PPP1R9A: variants seen among roughly 807,000 people sequenced by gnomAD.
The protein encoded by PPP1R9A is neurabin-1.
In PPP1R9A, 59 loss-of-function variants were observed where a neutral mutation model predicts 141.9. The observed-to-expected ratio is 0.42, with a 90% confidence interval of 0.34 to 0.52. The LOEUF (loss-of-function observed/expected upper bound fraction) is 0.52, where lower values mean the gene tolerates loss of function less well. PPP1R9A is among the 20% of genes least tolerant of loss of function. The pLI is 0.10. For synonymous variants in PPP1R9A, 500 were observed against 569.7 expected, an observed-to-expected ratio of 0.88 and a Z score of 1.74; for missense variants, 1,444 against 1,611.9, an observed-to-expected ratio of 0.90 and a Z score of 1.78.
intron 2 of PPP1R9A, among the ~76,000 whole-genome samples, chr7:95,040,849 A>G (rs1343960365): frequency 6.6e-6 from 1 of 152,134 alleles, no homozygotes; most frequent in Non-Finnish European, 1.5e-5. Context: ...CATAATATGC[A>G]TTCTCCATGA....
intron 2 of PPP1R9A, among the ~76,000 whole-genome samples, chr7:94,979,953 T>C (rs553867454): frequency 1.8e-4 from 27 of 152,154 alleles, no homozygotes; most frequent in Non-Finnish European, 3.1e-4. Context: ...CCTGTAAGGA[T>C]TGAAATATTA....
chr7:95,152,290 C>T (rs553787791), intron 4 of PPP1R9A, among the ~76,000 whole-genome samples: 6 of 152,160 alleles, frequency 3.9e-5, no homozygotes, highest in Non-Finnish European at 2.9e-5. Flanking sequence ...CTTAAAATCC[C>T]TTAATAAGAG....
At chr7:94,942,418 C>T (rs1481180788) in intron 2 of PPP1R9A, among the ~76,000 whole-genome samples, 2 of 152,094 alleles carry the variant, frequency 1.3e-5, no homozygotes, top group African/African-American at 4.8e-5. Flanking sequence ...AAACTATGGC[C>T]CCTAGGCCAA....
chr7:95,140,714 T>G (rs1826512045), intron 4 of PPP1R9A, among the ~76,000 whole-genome samples: 1 of 152,026 alleles, frequency 6.6e-6, no homozygotes, highest in Admixed American at 6.6e-5. Context: ...AGTTTTAGTT[T>G]TTATTTTTAT....
intron 2 of PPP1R9A, among the ~76,000 whole-genome samples, chr7:94,950,402 A>G (rs1214557327): frequency 6.6e-6 from 1 of 151,934 alleles, no homozygotes; most frequent in Non-Finnish European, 1.5e-5. Context: ...TTATAGTTTT[A>G]TACGTTTGGT....
At chr7:95,268,860 A>G (rs570590237) in intron 13 of PPP1R9A, among the ~76,000 whole-genome samples, 153 bp downstream of exon 13, 1 of 152,294 alleles carries the variant, frequency 6.6e-6, no homozygotes, top group African/African-American at 2.4e-5. Flanking sequence ...TGAATTCTTT[A>G]TATTGTTGTA....
At chr7:95,190,521 T>A (rs530510117) in intron 5 of PPP1R9A, among the ~76,000 whole-genome samples, 1 of 152,324 alleles carries the variant, frequency 6.6e-6, no homozygotes, top group South Asian at 2.1e-4. Flanking sequence ...GCAGTAAAGT[T>A]GTCACGTGGA....
In PPP1R9A at chr7:95,268,723, C is replaced by G. The variant is rs749581745; in HGVS notation, c.2823+16C>G. Reference sequence around the variant, plus strand: ...AGAGAGAAAGGTGAGCACCCTTGACCGTTTCCTGATTTGTACTGTTGGAGT... The same window carrying G: ...AGAGAGAAAGGTGAGCACCCTTGACGGTTTCCTGATTTGTACTGTTGGAGT... On this transcript the variant is annotated intron_variant, in intron 13 of 19. Coordinates refer to ENST00000433360, the MANE Select transcript of PPP1R9A (RefSeq NM_001166160.2). 6.2e-7 allele frequency: 1 copy of G among 1,609,738 alleles called. No individual in the cohort carries two copies. The highest frequency in any genetic ancestry group is 1.7e-5 in the Admixed American group (1 of 59,604).
At chr7:94,990,627 T>C (rs1199050873) in intron 2 of PPP1R9A, among the ~76,000 whole-genome samples, 2 of 152,146 alleles carry the variant, frequency 1.3e-5, no homozygotes, top group Non-Finnish European at 2.9e-5. Context: ...TTTACAATAC[T>C]ATAGAACACT....
chr7:94,911,908 T>C (rs1275327104), intron 2 of PPP1R9A, among the ~76,000 whole-genome samples: 1 of 152,184 alleles, frequency 6.6e-6, no homozygotes, highest in Non-Finnish European at 1.5e-5. Context: ...GTATGAAGTA[T>C]AATGTACAAT....
rs550021262 is a variant in PPP1R9A, at chr7:95,108,459, T to C, written c.1396-2800T>C. ...CCTAGTAGCTGGGACTACAGGTGCCTGCCACCACACCCGGCTAATTTTTTG... is the reference window on the plus strand; with the variant it reads ...CCTAGTAGCTGGGACTACAGGTGCCCGCCACCACACCCGGCTAATTTTTTG... On this transcript the variant is annotated intron_variant, in intron 2 of 19. Coordinates refer to ENST00000433360, the MANE Select transcript of PPP1R9A (RefSeq NM_001166160.2). Among the ~76,000 whole-genome samples, 182 of 151,690 alleles carry C rather than the reference T, an allele frequency of 1.2e-3. 1 individual carries two copies. Among genetic ancestry groups the C allele is most frequent in the African/African-American group, 2.2e-3 (90 of 41,380 alleles).
chr7:95,123,736 C>G (rs1333393020), intron 4 of PPP1R9A, among the ~76,000 whole-genome samples: 1 of 152,168 alleles, frequency 6.6e-6, no homozygotes, highest in African/African-American at 2.4e-5. Flanking sequence ...TCCATTCCCT[C>G]TACTTATCAT....
rs1054424387 is a variant in PPP1R9A, at chr7:95,295,977, A to C, written c.*5674A>C. 6.5e-6 allele frequency: 1 copy of C among 152,678 alleles called. No homozygotes were observed. The highest frequency in any genetic ancestry group is 1.5e-5 in the Non-Finnish European group (1 of 68,046). The allele number at this position is 152,678 out of a possible 1,614,324, so 9.5% of individuals were successfully genotyped here. A position where few individuals can be genotyped will look rare whatever the true frequency, so the allele number is the denominator to read the frequency against. ...AAAACTGGGCAGCTGAAAATAAAAG[A>C]GAATAAATTCTATTCCACTGTAAGA... On this transcript the variant is annotated 3_prime_UTR_variant, in exon 20 of 20. Coordinates refer to ENST00000433360, the MANE Select transcript of PPP1R9A (RefSeq NM_001166160.2).
rs567336319 is a variant in PPP1R9A, at chr7:95,037,360, A to G, written c.1396-73899A>G. Among the ~76,000 whole-genome samples the G allele has an allele frequency of 6.6e-5, 10 of 152,314 alleles. No individual in the cohort carries two copies. The South Asian group carries it at 2.1e-3, about 32-fold the overall frequency. ...GTTTTCTGAAATTTTTAAATTAGTGATTACATTCATAAATATAAAGCATTG... is the reference window on the plus strand; with the variant it reads ...GTTTTCTGAAATTTTTAAATTAGTGGTTACATTCATAAATATAAAGCATTG... On this transcript the variant is annotated intron_variant, in intron 2 of 19. Coordinates refer to ENST00000433360, the MANE Select transcript of PPP1R9A (RefSeq NM_001166160.2).
Position 95,291,781 on chromosome 7 carries a change from T to C in PPP1R9A, c.*1478T>C, listed in dbSNP as rs546708906. The C allele has an allele frequency of 6.6e-6, 1 of 152,328 alleles. No individual in the cohort carries two copies. The highest frequency in any genetic ancestry group is 2.1e-4 in the South Asian group (1 of 4,828). The allele number at this position is 152,328 out of a possible 1,614,324, so 9.4% of individuals were successfully genotyped here. A position where few individuals can be genotyped will look rare whatever the true frequency, so the allele number is the denominator to read the frequency against. On this transcript the variant is annotated 3_prime_UTR_variant, in exon 20 of 20. Coordinates refer to ENST00000433360, the MANE Select transcript of PPP1R9A (RefSeq NM_001166160.2). The stretch of plus-strand genomic sequence containing the variant: ...GGACAGTATTTTACTTCTTTTACTT[T>C]ATGGGAATCTCTGCTCTGTTCCCAG...
At chr7:95,100,884 G>C (rs1272211014) in intron 2 of PPP1R9A, among the ~76,000 whole-genome samples, 2 of 116,098 alleles carry the variant, frequency 1.7e-5, no homozygotes, top group Non-Finnish European at 3.2e-5. Flanking sequence ...ACGGAGTCTC[G>C]CTCTGTCGCC....
intron 8 of PPP1R9A, among the ~76,000 whole-genome samples, chr7:95,239,307 A>G (rs1797124691): frequency 6.6e-6 from 1 of 152,182 alleles, no homozygotes; most frequent in Non-Finnish European, 1.5e-5. Context: ...CTTTGATGTT[A>G]ATATTCTTAC....
At chr7:95,152,952 C>T (rs975544537) in intron 4 of PPP1R9A, among the ~76,000 whole-genome samples, 2 of 151,248 alleles carry the variant, frequency 1.3e-5, no homozygotes, top group African/African-American at 2.4e-5. Context: ...GGGTTCAAAC[C>T]GATTCTCCTG....
At chr7:95,274,015 C>T (rs1802691311) in intron 15 of PPP1R9A, 29 bp downstream of exon 15, 1 of 1,498,394 alleles carries the variant, frequency 6.7e-7, no homozygotes, top group Non-Finnish European at 9.2e-7. Context: ...AAAAAGAAAG[C>T]CCTCTGTAAA....
Sources: allele counts gnomAD v4.1 joint callset (sites outside exome capture counted in the v4.1 genomes callset), GRCh38; gene constraint gnomAD v4.1.1; transcripts MANE v1.5; gene names NCBI Gene and HGNC (gene_info 2026-07-23, HGNC 2026-07-21).